Variants in ATR observed in about 807,000 individuals in gnomAD.
The protein encoded by ATR is serine/threonine-protein kinase ATR.
A neutral mutation model predicts 305.3 loss-of-function variants in ATR; 142 were observed. That is an observed-to-expected ratio of 0.47 (90% CI 0.41 to 0.53). ATR has a LOEUF of 0.53. ATR is among the 20% of genes least tolerant of loss of function. The pLI is 0.00. For missense variants in ATR, 2,135 were observed against 3,133.1 expected (o/e 0.68, Z 7.60); for synonymous variants, 1,050 against 1,068.1 (o/e 0.98, Z 0.33).
chr3:142,503,280 A>C, intron 30 of ATR, 82 bp downstream of exon 30: 1 of 968,166 alleles, frequency 1.0e-6, no homozygotes, highest in Non-Finnish European at 1.6e-6. Context: ...TACTCTACTA[A>C]ACATTAAATT....
intron 1 of ATR, among the ~76,000 whole-genome samples, chr3:142,577,174 G>GACA (rs2035467040): frequency 6.6e-6 from 1 of 152,000 alleles, no homozygotes; most frequent in African/African-American, 2.4e-5. Context: ...ACTCTCTGTG[G>GACA]GTCAGTTTTT....
intron 41 of ATR, among the ~76,000 whole-genome samples, chr3:142,462,757 T>C (rs200476144): frequency 3.9e-5 from 6 of 152,190 alleles, no homozygotes; most frequent in Non-Finnish European, 8.8e-5. Flanking sequence ...CATGAGCCAC[T>C]GTGCCCGGCC....
At chr3:142,520,171 A>G (rs948142014) in intron 23 of ATR, among the ~76,000 whole-genome samples, 3 of 152,162 alleles carry the variant, frequency 2.0e-5, no homozygotes, top group Non-Finnish European at 2.9e-5. Flanking sequence ...CTGTGCCCAT[A>G]TAAGACAGTG....
At position 142,453,157 on chromosome 3, in the gene ATR, T is replaced by A. The variant is rs1309520394; in HGVS notation, c.7732A>T (p.Asn2578Tyr). Reference protein sequence around the residue: ...PVKGHSKAPLNETGEVVNEKA... With the variant: ...PVKGHSKAPLYETGEVVNEKA... ...TCATTGACAACTTCTCCAGTTTCATTCAGTGGCGCTTTGGAATGCCCTTTC... is the reference window on the plus strand; with the variant it reads ...TCATTGACAACTTCTCCAGTTTCATACAGTGGCGCTTTGGAATGCCCTTTC... The change falls in exon 46 of 47, where the codon AAT becomes TAT. Residue 2578 changes from asparagine to tyrosine, a missense_variant. This residue lies in a region of ATR where 462 missense variants were observed against 887.6 expected (regional missense o/e 0.52). Coordinates refer to ENST00000350721, the MANE Select transcript of ATR (RefSeq NM_001184.4). 1 of 1,614,140 alleles carries A rather than the reference T, an allele frequency of 6.2e-7. No individual in the cohort carries two copies. Among genetic ancestry groups the A allele is most frequent in the Non-Finnish European group, 8.5e-7 (1 of 1,179,998 alleles).
chr3:142,553,708 T>G lies in ATR; in HGVS notation c.2565A>C (p.Thr855=). 6.2e-7 allele frequency: 1 copy of G among 1,613,036 alleles called. No homozygotes were observed. Among genetic ancestry groups the G allele is most frequent in the Non-Finnish European group, 8.5e-7 (1 of 1,179,140 alleles). Residue 855 remains threonine (T), a synonymous_variant, in exon 12 of 47, where the codon ACA becomes ACC. Transcript: ENST00000350721. Reference sequence around the variant, plus strand: ...CATTATTTCTTGATATTTGGGCATGTGTATATGCTTCCTTCATTCTTAAGA... The same window carrying G: ...CATTATTTCTTGATATTTGGGCATGGGTATATGCTTCCTTCATTCTTAAGA... The part of the protein sequence containing the change: ...LFVLRMKEAY[T]HAQISRNNEL...
intron 44 of ATR, 116 bp downstream of exon 44, chr3:142,458,842 G>A (rs2108259333): frequency 8.2e-7 from 1 of 1,226,140 alleles, no homozygotes; most frequent in South Asian, 1.4e-5. Flanking sequence ...CAAATTCTCA[G>A]TATAACTCAA....
intron 4 of ATR, 125 bp downstream of exon 4, chr3:142,562,107 T>C (rs2034903169): frequency 3.7e-6 from 4 of 1,095,086 alleles, no homozygotes; most frequent in Non-Finnish European, 5.2e-6. Context: ...TGAAAATCAT[T>C]ATGTTCCAAA....
At chr3:142,481,025 T>C (rs1048726556) in intron 36 of ATR, among the ~76,000 whole-genome samples, 1 of 152,238 alleles carries the variant, frequency 6.6e-6, no homozygotes, top group Admixed American at 6.5e-5. Flanking sequence ...CCCTGACCCC[T>C]TGCACTTCCC....
Position 142,478,557 on chromosome 3 carries a change from G to A in ATR, c.6221+6583C>T, listed in dbSNP as rs1414282948. On this transcript the variant is annotated intron_variant, in intron 36 of 46. Transcript: ENST00000350721. Reference sequence around the variant, plus strand: ...GGTGTGGTGTGGTGCTGAGAAGAATGTATATTCTGTTGATTTGGGGTGGAG... The same window carrying A: ...GGTGTGGTGTGGTGCTGAGAAGAATATATATTCTGTTGATTTGGGGTGGAG... 1.5e-4 allele frequency among the ~76,000 whole-genome samples: 23 copies of A among 152,314 alleles called. No homozygotes were observed. In the South Asian group the frequency reaches 3.7e-3, roughly 25 times the overall value.
At chr3:142,491,112 A>G (rs889778142) in intron 35 of ATR, among the ~76,000 whole-genome samples, 1 of 152,166 alleles carries the variant, frequency 6.6e-6, no homozygotes, top group African/African-American at 2.4e-5. Context: ...ACTCCAAAAA[A>G]AAAATTGTAC....
chr3:142,499,913 A>G (rs1413794993), intron 30 of ATR, 195 bp from the exon 31 acceptor site: 1 of 514,000 alleles, frequency 1.9e-6, no homozygotes, highest in Admixed American at 3.4e-5. Context: ...CTTCAAAAAT[A>G]TTTTTTCACT....
intron 36 of ATR, among the ~76,000 whole-genome samples, chr3:142,482,241 A>G (rs1017262209): frequency 2.6e-5 from 4 of 152,208 alleles, no homozygotes; most frequent in African/African-American, 9.6e-5. Flanking sequence ...TTGATATTTA[A>G]TCAGTAATAA....
intron 45 of ATR, among the ~76,000 whole-genome samples, chr3:142,455,627 A>C (rs2070889071): frequency 1.3e-5 from 2 of 152,270 alleles, no homozygotes; most frequent in Non-Finnish European, 2.9e-5. Context: ...CAAGATAATT[A>C]AACGAGGGGC....
At position 142,496,528 on chromosome 3, in the gene ATR, AAGTAAC is replaced by A. The variant is rs72272981; in HGVS notation, c.5739-14_5739-9del. On this transcript the variant is annotated splice_polypyrimidine_tract_variant and intron_variant, in intron 33 of 46. Transcript: ENST00000350721. ...ATTTCATTGTAATCTGGTCTAAAGG[AAGTAAC>A]AACACATTGGTGAGAGAGACCATTG... 29,143 of 1,606,546 alleles carry A rather than the reference AAGTAAC, an allele frequency of 0.018. 369 individuals are homozygous for A. The highest frequency in any genetic ancestry group is 0.039 in the South Asian group (3,533 of 90,628).
At chr3:142,565,031 G>A (rs1423221597) in intron 3 of ATR, among the ~76,000 whole-genome samples, 1 of 152,140 alleles carries the variant, frequency 6.6e-6, no homozygotes, top group Non-Finnish European at 1.5e-5. Flanking sequence ...ACAGGCGTGA[G>A]ACATCGTGCC....
At chr3:142,474,595 T>C (rs901960286) in intron 36 of ATR, among the ~76,000 whole-genome samples, 5 of 152,332 alleles carry the variant, frequency 3.3e-5, no homozygotes, top group South Asian at 2.1e-4. Flanking sequence ...TGCAACTTTA[T>C]TGAATTCATT....
rs1470834016 is a variant in ATR at position 142,469,446 on chromosome 3, C to T, written c.6443G>A (p.Arg2148Gln). The change falls in exon 38 of 47, where the codon CGA becomes CAA. Residue 2148 changes from arginine to glutamine, a missense_variant. Arg to Gln is a conservative substitution (Grantham distance 43). Around this residue, in one of 9 missense-constraint regions of ATR, gnomAD observed 462 missense variants for 887.6 expected, o/e 0.52. Coordinates refer to ENST00000350721, the MANE Select transcript of ATR (RefSeq NM_001184.4). ...AACTTCATCGTGAGAATGACAAATT[C>T]GAGAGATCAATTGTGAAAAAGCAGT... ...FLTAFSQLIS[R>Q]ICHSHDEVFV... 7 of 1,613,754 alleles carry T rather than the reference C, an allele frequency of 4.3e-6. No homozygotes were observed. Among genetic ancestry groups the T allele is most frequent in the South Asian group, 1.1e-5 (1 of 91,056 alleles).
intron 23 of ATR, 60 bp from the exon 24 acceptor site, chr3:142,519,844 G>T: frequency 8.3e-7 from 1 of 1,198,928 alleles, no homozygotes; most frequent in Non-Finnish European, 1.2e-6. Context: ...CTTTATATTC[G>T]TCAATGTTCT....
At chr3:142,558,315 G>C (rs1223066984) in intron 8 of ATR, among the ~76,000 whole-genome samples, 2 of 151,912 alleles carry the variant, frequency 1.3e-5, no homozygotes, top group Non-Finnish European at 2.9e-5. Flanking sequence ...TTGAGGTCAG[G>C]AGTTCGAGAC....
Sources: allele counts gnomAD v4.1 joint callset (sites outside exome capture counted in the v4.1 genomes callset), GRCh38; gene constraint gnomAD v4.1.1; regional missense constraint gnomAD v4.1.1; transcripts MANE v1.5; gene names NCBI Gene and HGNC (gene_info 2026-07-23, HGNC 2026-07-21).